Variants in GHR observed in about 807,000 individuals in gnomAD.
GHR encodes the protein growth hormone receptor, also known as GH receptor.
In GHR, 35 loss-of-function variants were observed where a neutral mutation model predicts 67.1. That is an observed-to-expected ratio of 0.52 (90% confidence interval 0.40 to 0.69). The LOEUF (loss-of-function observed/expected upper bound fraction) is 0.69, where lower values mean the gene tolerates loss of function less well. GHR is among the 30% of genes least tolerant of loss of function. The pLI is 0.00. For synonymous variants in GHR, 272 were observed against 269.1 expected (o/e 1.01, Z -0.10); for missense variants, 792 against 764.6 (o/e 1.04, Z -0.42).
chr5:42,686,744 A>C (rs957129797), intron 3 of GHR, among the ~76,000 whole-genome samples: 1 of 152,248 alleles, frequency 6.6e-6, no homozygotes, highest in Non-Finnish European at 1.5e-5. Context: ...AAAAGCTAGA[A>C]GCATTCCCTT....
chr5:42,684,691 C>T (rs1395770604), intron 3 of GHR, among the ~76,000 whole-genome samples: 1 of 152,156 alleles, frequency 6.6e-6, no homozygotes, highest in Non-Finnish European at 1.5e-5. Context: ...TACCAAGGCA[C>T]ATCCCATCCA....
intron 2 of GHR, among the ~76,000 whole-genome samples, chr5:42,591,386 G>C (rs148751707): frequency 1.4e-3 from 220 of 152,292 alleles, no homozygotes; most frequent in African/African-American, 4.8e-3. Flanking sequence ...TTCTCTTTCA[G>C]AACAAGTGGG....
Position 42,424,992 on chromosome 5 carries a change from G to T in GHR, c.-12+1037G>T. On this transcript the variant is annotated intron_variant, in intron 1 of 9. Coordinates refer to ENST00000230882, the MANE Select transcript of GHR (RefSeq NM_000163.5). This position sits in a 1 kb window ranked among gnomAD's most constrained non-coding sequence, Gnocchi z 4.1. ...GGGTGGAAGAGGCCACAGAGGTGCCGCCTGTCTGTTTGTGCCGCCAGGAGA... is the reference window on the plus strand; with the variant it reads ...GGGTGGAAGAGGCCACAGAGGTGCCTCCTGTCTGTTTGTGCCGCCAGGAGA... The T allele has an allele frequency of 1.0e-6, 1 of 985,196 alleles. No homozygotes were observed. The highest frequency in any genetic ancestry group is 1.2e-6 in the Non-Finnish European group (1 of 829,700). 61.0% of individuals were successfully genotyped at this position (985,196 alleles called of 1,614,324 possible). A position where few individuals can be genotyped will look rare whatever the true frequency, so the allele number is the denominator to read the frequency against.
At chr5:42,555,178 G>A (rs1749241663) in intron 1 of GHR, among the ~76,000 whole-genome samples, 1 of 152,192 alleles carries the variant, frequency 6.6e-6, no homozygotes, top group Non-Finnish European at 1.5e-5. Context: ...CCCATGTCAT[G>A]GAGAGAGCAC....
chr5:42,700,381 G>T (rs1000036609), intron 6 of GHR, among the ~76,000 whole-genome samples: 7 of 152,142 alleles, frequency 4.6e-5, no homozygotes, highest in African/African-American at 1.7e-4. Context: ...GATTTCAGTT[G>T]CTGCTACTCA....
intron 1 of GHR, among the ~76,000 whole-genome samples, chr5:42,460,487 G>A (rs1561316035): frequency 6.6e-6 from 1 of 152,268 alleles, no homozygotes; most frequent in East Asian, 1.9e-4. Flanking sequence ...TTATCATACT[G>A]CTGATCCATA....
At chr5:42,515,857 G>C (rs769430074) in intron 1 of GHR, among the ~76,000 whole-genome samples, 19 of 152,136 alleles carry the variant, frequency 1.2e-4, no homozygotes, top group Non-Finnish European at 1.9e-4. Flanking sequence ...TAGTTCCTTA[G>C]GTATGTTGAT....
intron 2 of GHR, among the ~76,000 whole-genome samples, chr5:42,587,672 G>C (rs972473754): frequency 6.9e-6 from 1 of 145,558 alleles, no homozygotes; most frequent in Non-Finnish European, 1.5e-5. Flanking sequence ...GGTTTTTTTT[G>C]TTTTTTTTTT....
intron 3 of GHR, among the ~76,000 whole-genome samples, chr5:42,662,519 A>G (rs367866535): frequency 3.3e-5 from 5 of 152,292 alleles, no homozygotes; most frequent in East Asian, 3.9e-4. Context: ...GGTACATAAC[A>G]AAATGAAGGC....
At position 42,629,309 on chromosome 5, in the gene GHR, T is replaced by C. The variant is rs1313860532; in HGVS notation, c.136+206T>C. ...GGATGTTTGTCCCTTCCAAATCTCA[T>C]GTAATCCCCAATGTTGGAAGTGGAG... On this transcript the variant is annotated intron_variant, in intron 3 of 9. Transcript: ENST00000230882. 2.3e-5 allele frequency among the ~76,000 whole-genome samples: 3 copies of C among 132,400 alleles called. 1 individual carries two copies. The highest frequency in any genetic ancestry group is 9.6e-5 in the African/African-American group (3 of 31,384). 86.9% of individuals were successfully genotyped at this position (132,400 alleles called of 152,430 possible).
At position 42,424,457 on chromosome 5, in the gene GHR, G is replaced by T. The variant is rs1742754347; in HGVS notation, c.-12+502G>T. ...GAATCCCCGGCAGCGCGACTGGAGAGACTGGGGAGGTCGAGCTGTGCGCGT... is the reference window on the plus strand; with the variant it reads ...GAATCCCCGGCAGCGCGACTGGAGATACTGGGGAGGTCGAGCTGTGCGCGT... On this transcript the variant is annotated intron_variant, in intron 1 of 9. Transcript: ENST00000230882. This position sits in a 1 kb window ranked among gnomAD's most constrained non-coding sequence, Gnocchi z 4.1. 8.3e-6 allele frequency: 6 copies of T among 723,550 alleles called. No homozygotes were observed. The highest frequency in any genetic ancestry group is 1.7e-5 in the African/African-American group (1 of 57,554). The allele number at this position is 723,550 out of a possible 1,614,324, so 44.8% of individuals were successfully genotyped here.
chr5:42,704,903 T>A (rs535205507), intron 6 of GHR, among the ~76,000 whole-genome samples: 1 of 151,920 alleles, frequency 6.6e-6, no homozygotes, highest in Non-Finnish European at 1.5e-5. Flanking sequence ...GGGCTTTCTC[T>A]TTTTTTATTA....
At chr5:42,550,124 T>C (rs1030743791) in intron 1 of GHR, 19 of 952,550 alleles carry the variant, frequency 2.0e-5, no homozygotes, top group Non-Finnish European at 2.2e-5. Flanking sequence ...GGGGTAAGTG[T>C]GTCTTCTTGC....
intron 1 of GHR, chr5:42,467,837 T>C: frequency 2.7e-6 from 3 of 1,097,582 alleles, no homozygotes. Flanking sequence ...TTTCGGATTG[T>C]TAACAGTGTC....
rs192954530 is a variant in GHR at position 42,467,721 on chromosome 5, A to T, written c.-12+43766A>T. Reference sequence around the variant, plus strand: ...CCTTCCCACACTCATGACATTCAAAAGGTTTCTCCCCGGTGTGGATTCTCT... The same window carrying T: ...CCTTCCCACACTCATGACATTCAAATGGTTTCTCCCCGGTGTGGATTCTCT... On this transcript the variant is annotated intron_variant, in intron 1 of 9. Transcript: ENST00000230882. 34 of 1,568,660 alleles carry T rather than the reference A, an allele frequency of 2.2e-5. No homozygotes were observed. In the East Asian group the frequency reaches 7.0e-4, roughly 32 times the overall value.
chr5:42,687,450 T>C lies in GHR; in HGVS notation c.137-1440T>C, dbSNP rs149994280. ...CTACATAGGATCCCCACATCCCTGCTTTTGCTAGAATGGAAACTAGACAAG... is the reference window on the plus strand; with the variant it reads ...CTACATAGGATCCCCACATCCCTGCCTTTGCTAGAATGGAAACTAGACAAG... On this transcript the variant is annotated intron_variant, in intron 3 of 9. Coordinates refer to ENST00000230882, the MANE Select transcript of GHR (RefSeq NM_000163.5). Among the ~76,000 whole-genome samples, 317 of 152,292 alleles carry C rather than the reference T, an allele frequency of 2.1e-3. 1 individual carries two copies. The highest frequency in any genetic ancestry group is 7.4e-3 in the African/African-American group (306 of 41,572).
chr5:42,682,711 TAAGAA>T (rs1410446897), intron 3 of GHR, among the ~76,000 whole-genome samples: 1 of 152,244 alleles, frequency 6.6e-6, no homozygotes, highest in Non-Finnish European at 1.5e-5. Context: ...TTCCATTTGC[TAAGAA>T]AAGTGGCTTG....
intron 1 of GHR, among the ~76,000 whole-genome samples, chr5:42,428,457 T>C (rs1386471078): frequency 3.9e-5 from 6 of 152,224 alleles, no homozygotes; most frequent in Admixed American, 3.9e-4. Flanking sequence ...ACATTTTCCC[T>C]ATTGTCTTGG....
At chr5:42,439,361 A>C (rs908184188) in intron 1 of GHR, among the ~76,000 whole-genome samples, 19 of 152,226 alleles carry the variant, frequency 1.2e-4, no homozygotes, top group Admixed American at 9.8e-4. Context: ...AGGAATATAA[A>C]GCAAAGTTGA....
Sources: gnomAD v4.1 joint callset for allele counts (sites outside exome capture counted in the v4.1 genomes callset) on GRCh38, gnomAD v4.1.1 for gene constraint, Gnocchi (gnomAD v3.1) non-coding constraint, MANE v1.5 for transcripts, NCBI Gene and HGNC (gene_info 2026-07-23, HGNC 2026-07-21) for gene names.